CUL9: variants seen among roughly 807,000 people sequenced by gnomAD.
The protein encoded by CUL9 is cullin 9, also known as cullin-9.
In CUL9, 79 loss-of-function variants were observed where a neutral mutation model predicts 272.6. That is an observed-to-expected ratio of 0.29 (90% confidence interval 0.24 to 0.35). The LOEUF is 0.35. Ranked by LOEUF, CUL9 falls within the 10% of genes least tolerant of loss-of-function variation. The pLI is 1.00. For missense variants in CUL9, 2,532 were observed against 3,255.6 expected, an observed-to-expected ratio of 0.78 and a Z score of 5.41; for synonymous variants, 1,186 against 1,286.5, an observed-to-expected ratio of 0.92 and a Z score of 1.67.
rs1472613687 is a variant in CUL9, at chr6:43,220,929, G to A, written c.6588+18G>A. 3 of 1,593,542 alleles carry A rather than the reference G, an allele frequency of 1.9e-6. No individual in the cohort carries two copies. The highest frequency in any genetic ancestry group is 3.5e-5 in the Admixed American group (2 of 57,754). On this transcript the variant is annotated intron_variant, in intron 33 of 40. Transcript: ENST00000252050. This position sits in a 1 kb window ranked among gnomAD's most constrained non-coding sequence, Gnocchi z 4.9. ...TCCCTGAGGTGGGAGCCCCACACTG[G>A]CCCTGACCCTGAGCAAGGATTCACA...
intron 38 of CUL9, 101 bp downstream of exon 38, chr6:43,222,997 C>T (rs901928275): frequency 1.1e-5 from 11 of 1,001,496 alleles, no homozygotes; most frequent in Non-Finnish European, 1.7e-5. Flanking sequence ...TACCTTCCCT[C>T]TCTCCTCTTC....
chr6:43,185,329 T>C (rs1392611122), intron 2 of CUL9, 127 bp from the exon 3 acceptor site: 1 of 899,258 alleles, frequency 1.1e-6, no homozygotes, highest in Non-Finnish European at 1.7e-6. Context: ...CCATGTAAAA[T>C]GTATTTCTTT....
chr6:43,222,546 T>C lies in CUL9; in HGVS notation c.6937T>C (p.Leu2313=). ...CTCCACACAGGAGTTTGCTGTGAAC[T>C]TGCGGAACCGGGTGTCTGCCATCCA... ...HHQAREFAVN[L]RNRVSAIHEV... Residue 2313 remains leucine (L), a synonymous_variant, in exon 37 of 41, where the codon TTG becomes CTG. Transcript: ENST00000252050. 6.2e-7 allele frequency: 1 copy of C among 1,613,950 alleles called. No individual in the cohort carries two copies. The highest frequency in any genetic ancestry group is 8.5e-7 in the Non-Finnish European group (1 of 1,180,018).
At chr6:43,198,523 G>A (rs1392215246) in intron 11 of CUL9, 86 bp from the exon 12 acceptor site, 1 of 1,547,546 alleles carries the variant, frequency 6.5e-7, no homozygotes, top group Non-Finnish European at 8.7e-7. Flanking sequence ...ATTTTGGGGT[G>A]ATTTTCTGGA....
At position 43,215,139 on chromosome 6, in the gene CUL9, G is replaced by C. The variant is rs1207701134; in HGVS notation, c.5749G>C (p.Gly1917Arg). The C allele has an allele frequency of 6.2e-7, 1 of 1,613,960 alleles. No homozygotes were observed. Among genetic ancestry groups the C allele is most frequent in the Non-Finnish European group, 8.5e-7 (1 of 1,179,944 alleles). ...PPGTLGHTVA[G>R]GVACTSTDVL... ...TGGAACCCTGGGCCACACTGTTGCT[G>C]GGGGTGTGGCCTGTACCAGTACAGA... The change falls in exon 30 of 41, where the codon GGG (glycine) becomes CGG (arginine). Residue 1917 changes from glycine to arginine, a missense_variant. By Grantham distance (125) the Gly-to-Arg change is moderately radical. Coordinates refer to ENST00000252050, the MANE Select transcript of CUL9 (RefSeq NM_015089.4).
chr6:43,211,016 A>G (rs770695460), intron 26 of CUL9, among the ~76,000 whole-genome samples: 30 of 152,214 alleles, frequency 2.0e-4, no homozygotes, highest in Admixed American at 7.2e-4. Flanking sequence ...AACCTGCATC[A>G]TTGATTGGCT....
At chr6:43,208,390 A>G (rs1470851083) in intron 26 of CUL9, among the ~76,000 whole-genome samples, 1 of 152,026 alleles carries the variant, frequency 6.6e-6, no homozygotes, top group African/African-American at 2.4e-5. Context: ...ATTTTTAGTA[A>G]AGACGAGGTT....
rs558223117 is a variant in CUL9 at position 43,218,965 on chromosome 6, G to T, written c.6283-1494G>T. On this transcript the variant is annotated intron_variant, in intron 31 of 40. Coordinates refer to ENST00000252050, the MANE Select transcript of CUL9 (RefSeq NM_015089.4). This position sits in a 1 kb window ranked among gnomAD's most constrained non-coding sequence, Gnocchi z 4.4. Reference sequence around the variant, plus strand: ...ACCAAGCCTGTAAAGATACAGAGACGGGGGGTCTCAGGAGTTTGAGACCAG... The same window carrying T: ...ACCAAGCCTGTAAAGATACAGAGACTGGGGGTCTCAGGAGTTTGAGACCAG... Among the ~76,000 whole-genome samples, 2 of 151,944 alleles carry T rather than the reference G, an allele frequency of 1.3e-5. No individual in the cohort carries two copies. The highest frequency in any genetic ancestry group is 4.8e-5 in the African/African-American group (2 of 41,306).
intron 31 of CUL9, 119 bp downstream of exon 31, chr6:43,216,622 A>AT (rs1279203238): frequency 1.1e-6 from 1 of 937,184 alleles, no homozygotes; most frequent in African/African-American, 1.6e-5. Context: ...GCAATAGTGG[A>AT]TTTAGTCTCT....
intron 29 of CUL9, among the ~76,000 whole-genome samples, chr6:43,214,195 G>A (rs545148353): frequency 1.4e-4 from 22 of 152,186 alleles, no homozygotes; most frequent in Non-Finnish European, 2.2e-4. Context: ...CAAGGCAGGC[G>A]GATCACTTGA....
In CUL9 at chr6:43,196,659, C is replaced by T. The variant is rs758017460; in HGVS notation, c.2600C>T (p.Ala867Val). 5.0e-5 allele frequency: 80 copies of T among 1,613,966 alleles called. No homozygotes were observed. The South Asian group carries it at 5.6e-4, about 11-fold the overall frequency. The change falls in exon 11 of 41, where the codon GCG becomes GTG. Residue 867 changes from alanine to valine, a missense_variant. This residue lies in a region of CUL9 where 2,218 missense variants were observed against 2,788.6 expected (regional missense o/e 0.80). Coordinates refer to ENST00000252050, the MANE Select transcript of CUL9 (RefSeq NM_015089.4). ...MLNTEGCSSA[A>V]RNGLLLLNLL... is the part of the protein sequence containing the mutation. ...CCTCCTCCCAGGTGCTCTTCTGCAG[C>T]GAGAAATGGCTTACTCCTGCTCAAC...
chr6:43,224,047 G>C lies in CUL9; in HGVS notation c.7285-48G>C, dbSNP rs749338789. 1.9e-6 allele frequency: 3 copies of C among 1,579,518 alleles called. No individual in the cohort carries two copies. Among genetic ancestry groups the C allele is most frequent in the Non-Finnish European group, 1.7e-6 (2 of 1,148,718 alleles). On this transcript the variant is annotated intron_variant, in intron 39 of 40. Coordinates refer to ENST00000252050, the MANE Select transcript of CUL9 (RefSeq NM_015089.4). This position sits in a 1 kb window ranked among gnomAD's most constrained non-coding sequence, Gnocchi z 4.2. ...AGTGGAAGGAATGCTGGGTCCAAAGGCCCCATGCCCTCTACCTCCTTCTCA... is the reference window on the plus strand; with the variant it reads ...AGTGGAAGGAATGCTGGGTCCAAAGCCCCCATGCCCTCTACCTCCTTCTCA...
At chr6:43,185,878 AGAG>A (rs1772863729) in intron 3 of CUL9, 74 bp from the exon 4 acceptor site, 1 of 1,509,452 alleles carries the variant, frequency 6.6e-7, no homozygotes, top group Non-Finnish European at 8.9e-7. Flanking sequence ...ATTTTTCTGT[AGAG>A]GAGGATACTT....
Position 43,186,243 on chromosome 6 carries a change from C to T in CUL9, c.1039C>T (p.Leu347Phe), listed in dbSNP as rs201241003. The T allele has an allele frequency of 6.2e-7, 1 of 1,614,234 alleles. No individual in the cohort carries two copies. Among genetic ancestry groups the T allele is most frequent in the East Asian group, 2.2e-5 (1 of 44,886 alleles). The change falls in exon 4 of 41, where the codon CTT becomes TTT. Residue 347 changes from leucine (L) to phenylalanine (F), a missense_variant. Leu to Phe is a conservative substitution (Grantham distance 22). Transcript: ENST00000252050. ...TCAGCCCTACATTTCAGGCCCCAGC[C>T]TTTTACTCCCCACCATTGTCACCAC... ...IFQPYISGPSLLLPTIVTTPR... is the reference protein window; with the variant it reads ...IFQPYISGPSFLLPTIVTTPR...
chr6:43,183,965 C>G (rs1373009408), intron 1 of CUL9, among the ~76,000 whole-genome samples: 1 of 152,090 alleles, frequency 6.6e-6, no homozygotes, highest in Non-Finnish European at 1.5e-5. Context: ...GTTGACCAGG[C>G]TGGACTTGAA....
chr6:43,221,703 T>TA lies in CUL9; in HGVS notation c.6773dup (p.Asn2258LysfsTer40). The TA allele has an allele frequency of 1.2e-6, 2 of 1,613,894 alleles. No homozygotes were observed. The highest frequency in any genetic ancestry group is 1.7e-6 in the Non-Finnish European group (2 of 1,180,020). ...TCCATAGCATGACCTGTGCCAAATGTAACCATGGATTCTGCTGGCGCTGCC... is the reference window on the plus strand; with the variant it reads ...TCCATAGCATGACCTGTGCCAAATGTAAACCATGGATTCTGCTGGCGCTGCC... On this transcript the variant is annotated frameshift_variant, in exon 35 of 41. Transcript: ENST00000252050. LOFTEE classifies it high-confidence loss of function. This position sits in a 1 kb window ranked among gnomAD's most constrained non-coding sequence, Gnocchi z 4.2.
intron 8 of CUL9, among the ~76,000 whole-genome samples, chr6:43,191,300 T>TGTTG (rs1562020004): frequency 8.5e-4 from 104 of 123,006 alleles, no homozygotes; most frequent in African/African-American, 3.9e-3. Context: ...GTGCGTGTTG[T>TGTTG]TTTTTTTTTT....
At chr6:43,191,961 A>G (rs1421926505) in intron 8 of CUL9, among the ~76,000 whole-genome samples, 2 of 141,656 alleles carry the variant, frequency 1.4e-5, no homozygotes, top group Non-Finnish European at 3.0e-5. Context: ...CTTCTCATCT[A>G]TTGATCTATT....
Position 43,221,074 on chromosome 6 carries a change from G to A in CUL9, c.6589-84G>A. On this transcript the variant is annotated intron_variant, in intron 33 of 40. Coordinates refer to ENST00000252050, the MANE Select transcript of CUL9 (RefSeq NM_015089.4). The surrounding 1 kb of genome is among the most constrained non-coding windows in gnomAD (Gnocchi z 4.2). ...TCCTGGAGCCCTCCAAATGTGATCTGTGCCTGCTCCCCTCTCTCCTGTGCA... is the reference window on the plus strand; with the variant it reads ...TCCTGGAGCCCTCCAAATGTGATCTATGCCTGCTCCCCTCTCTCCTGTGCA... The A allele has an allele frequency of 1.3e-6, 2 of 1,522,456 alleles. No homozygotes were observed. The highest frequency in any genetic ancestry group is 1.8e-6 in the Non-Finnish European group (2 of 1,130,016). 94.3% of individuals were successfully genotyped at this position (1,522,456 alleles called of 1,614,324 possible).
Sources: allele counts gnomAD v4.1 joint callset (sites outside exome capture counted in the v4.1 genomes callset), GRCh38; gene constraint gnomAD v4.1.1; regional missense constraint gnomAD v4.1.1; non-coding constraint Gnocchi (gnomAD v3.1); transcripts MANE v1.5; gene names NCBI Gene and HGNC (gene_info 2026-07-23, HGNC 2026-07-21).